The following MIS18A variants were observed in gnomAD, a reference collection of about 807,000 sequenced individuals.
MIS18A encodes MIS18 kinetochore protein A.
Under a neutral mutation model 25.0 loss-of-function variants are expected in MIS18A, and 14 were observed. The ratio of observed to expected loss-of-function variants is 0.56; its 90% confidence interval spans 0.37 to 0.88. The LOEUF (loss-of-function observed/expected upper bound fraction) is 0.88. MIS18A is among the 40% of genes least tolerant of loss of function. The pLI, the probability that MIS18A is intolerant of heterozygous loss-of-function variation, is 0.00. For missense variants in MIS18A, 292 were observed against 290.8 expected, an observed-to-expected ratio of 1.00 and a Z score of -0.03; for synonymous variants, 134 against 118.6, an observed-to-expected ratio of 1.13 and a Z score of -0.84.
chr21:32,259,594 G>A, the MIS18A span, among the ~76,000 whole-genome samples: 1 of 152,166 alleles, frequency 6.6e-6, no homozygotes, highest in Non-Finnish European at 1.5e-5. Flanking sequence ...TTTCTTTCTT[G>A]ATCACTGAAA....
At chr21:32,195,774 C>T in the MIS18A span, among the ~76,000 whole-genome samples, 1 of 152,148 alleles carries the variant, frequency 6.6e-6, no homozygotes, top group Non-Finnish European at 1.5e-5. Flanking sequence ...AATCCCAGCC[C>T]TTTGGGAGGC....
At chr21:32,155,843 C>T in the MIS18A span, among the ~76,000 whole-genome samples, 1,491 of 151,962 alleles carry the variant, frequency 9.8e-3, 53 homozygotes, top group East Asian at 0.064. Flanking sequence ...AGCAAGAAAT[C>T]GACTGGCCAT....
the MIS18A span, among the ~76,000 whole-genome samples, chr21:32,238,548 C>A: frequency 1.3e-5 from 2 of 152,216 alleles, no homozygotes; most frequent in Admixed American, 1.3e-4. Flanking sequence ...CTAGACGATG[C>A]ACAGGGACAG....
the MIS18A span, among the ~76,000 whole-genome samples, chr21:32,201,838 TA>T: frequency 2.0e-5 from 3 of 151,696 alleles, no homozygotes; most frequent in South Asian, 6.2e-4. Context: ...AAATTTAAAC[TA>T]AAAAAATTTT....
At chr21:32,261,321 T>C in the MIS18A span, 1 of 151,858 alleles carries the variant, frequency 6.6e-6, no homozygotes, top group Non-Finnish European at 1.5e-5. Flanking sequence ...TTCAAGAGAG[T>C]AGTTTCAGCA....
chr21:32,183,831 G>A, the MIS18A span, among the ~76,000 whole-genome samples: 1 of 152,172 alleles, frequency 6.6e-6, no homozygotes, highest in African/African-American at 2.4e-5. Context: ...GAAGGAAGTG[G>A]TCACCACTAA....
chr21:32,176,465 A>G, the MIS18A span, among the ~76,000 whole-genome samples: 1 of 152,240 alleles, frequency 6.6e-6, no homozygotes, highest in African/African-American at 2.4e-5. Flanking sequence ...TCCCTAGGAA[A>G]TCTTCAAATA....
chr21:32,264,766 T>A (rs1029474790), downstream of MIS18A, among the ~76,000 whole-genome samples: 3 of 152,168 alleles, frequency 2.0e-5, no homozygotes, highest in African/African-American at 7.2e-5. Context: ...AACGGGTCCC[T>A]CTCCTGGTCT....
At chr21:32,233,790 C>T in the MIS18A span, among the ~76,000 whole-genome samples, 139 of 152,312 alleles carry the variant, frequency 9.1e-4, no homozygotes, top group Non-Finnish European at 1.7e-3. Context: ...GTTCTGCTCC[C>T]ACTCTGCCCC....
chr21:32,156,199 A>G, the MIS18A span, among the ~76,000 whole-genome samples: 1 of 152,218 alleles, frequency 6.6e-6, no homozygotes, highest in Non-Finnish European at 1.5e-5. Flanking sequence ...GCATTGTGGA[A>G]TTTAGCAGCT....
chr21:32,157,054 CTT>C, the MIS18A span, among the ~76,000 whole-genome samples: 13 of 121,524 alleles, frequency 1.1e-4, no homozygotes, highest in Non-Finnish European at 1.2e-4. Context: ...TTCTTTCTTT[CTT>C]TTTTTTTTTT....
chr21:32,221,650 C>A, the MIS18A span, among the ~76,000 whole-genome samples: 1 of 146,994 alleles, frequency 6.8e-6, no homozygotes, highest in African/African-American at 2.5e-5. Context: ...GAGGCCGAGG[C>A]GGGTGGATCA....
chr21:32,182,001 G>A, the MIS18A span, among the ~76,000 whole-genome samples: 2 of 152,188 alleles, frequency 1.3e-5, no homozygotes, highest in Admixed American at 1.3e-4. Flanking sequence ...AAATAAATGG[G>A]ATAATAACAG....
chr21:32,222,498 A>G, the MIS18A span, among the ~76,000 whole-genome samples: 884 of 152,350 alleles, frequency 5.8e-3, 11 homozygotes, highest in African/African-American at 0.02. Flanking sequence ...CATTGATCTC[A>G]GCACGACATA....
At chr21:32,184,052 T>C in the MIS18A span, among the ~76,000 whole-genome samples, 1 of 152,178 alleles carries the variant, frequency 6.6e-6, no homozygotes, top group African/African-American at 2.4e-5. Context: ...CCCCACTCTG[T>C]CTACACCCAT....
the MIS18A span, among the ~76,000 whole-genome samples, chr21:32,204,413 C>T: frequency 3.9e-5 from 6 of 151,954 alleles, no homozygotes; most frequent in Non-Finnish European, 5.9e-5. Context: ...AGGAGAATCA[C>T]TTGAACCTGG....
rs1157307190 is a variant in MIS18A, at chr21:32,269,008, G to A, written c.*29C>T. ...TTAACAAATAAGGGGAGGAAGGGCGGGGGCAGAATGGAGGACACAGACTAG... is the reference window on the plus strand; with the variant it reads ...TTAACAAATAAGGGGAGGAAGGGCGAGGGCAGAATGGAGGACACAGACTAG... On this transcript the variant is annotated 3_prime_UTR_variant, in exon 5 of 5. Coordinates refer to ENST00000290130, the MANE Select transcript of MIS18A (RefSeq NM_018944.3). The A allele has an allele frequency of 2.0e-6, 3 of 1,494,376 alleles. No individual in the cohort carries two copies. Among genetic ancestry groups the A allele is most frequent in the East Asian group, 2.3e-5 (1 of 43,880 alleles). 92.6% of individuals were successfully genotyped at this position (1,494,376 alleles called of 1,614,324 possible).
chr21:32,239,447 C>T, the MIS18A span, among the ~76,000 whole-genome samples: 2 of 152,176 alleles, frequency 1.3e-5, no homozygotes, highest in African/African-American at 4.8e-5. Flanking sequence ...TAAGGTTTGA[C>T]AGAAAATAAA....
chr21:32,269,220 T>G lies in MIS18A; in HGVS notation c.622-103A>C, dbSNP rs188535723. 1.6e-4 allele frequency: 131 copies of G among 829,334 alleles called. No homozygotes were observed. In the African/African-American group the frequency reaches 2.1e-3, roughly 13 times the overall value. The allele number at this position is 829,334 out of a possible 1,614,324, so 51.4% of individuals were successfully genotyped here. A position where few individuals can be genotyped will look rare whatever the true frequency, so the allele number is the denominator to read the frequency against. ...TATACACTTAATGCAATTTTGGATA[T>G]GTCATACATTACAAGGTAGATATTC... On this transcript the variant is annotated intron_variant, in intron 4 of 4. Transcript: ENST00000290130.
Sources: gnomAD v4.1 joint callset for allele counts (sites outside exome capture counted in the v4.1 genomes callset) on GRCh38, gnomAD v4.1.1 for gene constraint, MANE v1.5 for transcripts, NCBI Gene and HGNC (gene_info 2026-07-23, HGNC 2026-07-21) for gene names.